DNAH8: variants seen among roughly 807,000 people sequenced by gnomAD.
DNAH8 encodes the protein axonemal beta dynein heavy chain 8.
DNAH8 carries 382 observed loss-of-function variants against 562.1 expected under a neutral mutation model. That is an observed-to-expected ratio of 0.68 (90% CI 0.63 to 0.74). The LOEUF (loss-of-function observed/expected upper bound fraction) is 0.74. DNAH8 is among the 30% of genes least tolerant of loss of function. The pLI is 0.00. For synonymous variants in DNAH8, 1,881 were observed against 1,919.4 expected (o/e 0.98, Z 0.52); for missense variants, 5,203 against 5,620.4 (o/e 0.93, Z 2.37).
rs759373724 is a variant in DNAH8, at chr6:38,848,836, T to C, written c.5199+35T>C. On this transcript the variant is annotated intron_variant, in intron 37 of 92. Transcript: ENST00000327475. ...GCTTTTGTAATTACTGATAAAATAA[T>C]TTGGTGTATGTTGTCTATATGTCTC... 6 of 1,601,444 alleles carry C rather than the reference T, an allele frequency of 3.7e-6. No homozygotes were observed. In the South Asian group the frequency reaches 5.5e-5, roughly 15 times the overall value.
At chr6:38,790,847 A>G (rs970614642) in intron 20 of DNAH8, among the ~76,000 whole-genome samples, 1 of 151,376 alleles carries the variant, frequency 6.6e-6, no homozygotes, top group Non-Finnish European at 1.5e-5. Context: ...AAAACAAAAA[A>G]CTTTATATTT....
Position 38,937,977 on chromosome 6 carries a change from C to T in DNAH8, c.11567C>T (p.Ser3856Leu), listed in dbSNP as rs749861252. The change falls in exon 78 of 93, where the codon TCA becomes TTA. Residue 3856 changes from serine to leucine, a missense_variant. By Grantham distance (145) the Ser-to-Leu change is moderately radical. Coordinates refer to ENST00000327475, the MANE Select transcript of DNAH8 (RefSeq NM_001206927.2). ...GTTTTCCTGTTTTGAATTTCAGGCT[C>T]ATTGGTAGATGACGAATCTCTCATT... The part of the protein sequence containing the change: ...LLYKLSATKG[S>L]LVDDESLIGV... The T allele has an allele frequency of 9.9e-6, 16 of 1,613,366 alleles. No individual in the cohort carries two copies. The highest frequency in any genetic ancestry group is 1.2e-5 in the Non-Finnish European group (14 of 1,179,762).
At chr6:38,939,099 G>C (rs897587488) in intron 79 of DNAH8, 111 bp downstream of exon 79, 2 of 836,648 alleles carry the variant, frequency 2.4e-6, no homozygotes, top group Non-Finnish European at 3.6e-6. Flanking sequence ...ATGTTCTAAC[G>C]AAAGTTTAAT....
chr6:38,984,848 G>T (rs995292422), intron 87 of DNAH8, among the ~76,000 whole-genome samples: 1 of 152,104 alleles, frequency 6.6e-6, no homozygotes, highest in Non-Finnish European at 1.5e-5. Context: ...GCAGAGCAGA[G>T]CAGTGGTCAG....
intron 10 of DNAH8, among the ~76,000 whole-genome samples, chr6:38,757,793 T>G (rs1766069032): frequency 1.3e-5 from 2 of 152,208 alleles, no homozygotes; most frequent in South Asian, 2.1e-4. Context: ...TTTCCCCATT[T>G]CTTGTTTTTG....
chr6:38,901,115 G>A (rs1780049613), intron 62 of DNAH8, among the ~76,000 whole-genome samples: 1 of 151,264 alleles, frequency 6.6e-6, no homozygotes, highest in Admixed American at 6.6e-5. Context: ...TATGTGTTTT[G>A]GATATAAAGG....
chr6:38,926,387 T>C (rs1189971010), intron 74 of DNAH8, among the ~76,000 whole-genome samples, 177 bp downstream of exon 74: 1 of 151,274 alleles, frequency 6.6e-6, no homozygotes, highest in Non-Finnish European at 1.5e-5. Context: ...CTCTCTTTTG[T>C]ACTCTCTTTG....
intron 36 of DNAH8, among the ~76,000 whole-genome samples, chr6:38,847,432 G>T (rs1057152716): frequency 1.3e-5 from 2 of 151,764 alleles, no homozygotes. Context: ...TTGGCATATT[G>T]ACTGCCTTTC....
intron 20 of DNAH8, 49 bp downstream of exon 20, chr6:38,790,454 A>C: frequency 2.3e-6 from 2 of 877,910 alleles, no homozygotes; most frequent in Non-Finnish European, 3.6e-6. Context: ...CTCAGGATAT[A>C]AGTAATAGTT....
chr6:38,774,838 A>G (rs1767912410), intron 12 of DNAH8, among the ~76,000 whole-genome samples: 1 of 152,236 alleles, frequency 6.6e-6, no homozygotes, highest in African/African-American at 2.4e-5. Flanking sequence ...AGCATGCTGT[A>G]AATCCCAGTG....
chr6:38,845,296 A>C (rs910135646), intron 35 of DNAH8, among the ~76,000 whole-genome samples: 1 of 152,220 alleles, frequency 6.6e-6, no homozygotes, highest in Non-Finnish European at 1.5e-5. Context: ...AAAAGTTCGA[A>C]TTGAAAACAT....
chr6:38,816,133 A>G (rs1034828648), intron 26 of DNAH8, among the ~76,000 whole-genome samples: 2 of 152,008 alleles, frequency 1.3e-5, no homozygotes, highest in African/African-American at 4.8e-5. Flanking sequence ...TTTGTTACAT[A>G]GGTAAACATG....
rs939401030 is a variant in DNAH8 at position 39,020,194 on chromosome 6, A to G, written c.13715-6352A>G. On this transcript the variant is annotated intron_variant, in intron 91 of 92. Transcript: ENST00000327475. ...TTATACCGAAGTTTTACTGGAGCCAATTATGTCCTGGATTAGTCATTTCAG... is the reference window on the plus strand; with the variant it reads ...TTATACCGAAGTTTTACTGGAGCCAGTTATGTCCTGGATTAGTCATTTCAG... Among the ~76,000 whole-genome samples the G allele has an allele frequency of 2.6e-5, 4 of 152,192 alleles. No individual in the cohort carries two copies. In the South Asian group the frequency reaches 8.3e-4, roughly 32 times the overall value.
At chr6:38,776,318 A>G (rs941333257) in intron 13 of DNAH8, among the ~76,000 whole-genome samples, 12 of 151,802 alleles carry the variant, frequency 7.9e-5, no homozygotes, top group Admixed American at 5.2e-4. Flanking sequence ...CCCGAGTTCA[A>G]GTGATTCTCC....
chr6:38,776,684 A>G lies in DNAH8; in HGVS notation c.1962+733A>G, dbSNP rs530439827. On this transcript the variant is annotated intron_variant, in intron 13 of 92. Transcript: ENST00000327475. ...TGCTTTATGCCTGCATTCTCTCTGC[A>G]GCTATAGAGGGCAGCTCTGAAGAGG... Among the ~76,000 whole-genome samples, 20 of 152,320 alleles carry G rather than the reference A, an allele frequency of 1.3e-4. No homozygotes were observed. The South Asian group carries it at 4.1e-3, about 32-fold the overall frequency.
intron 73 of DNAH8, 61 bp downstream of exon 73, chr6:38,924,223 A>C: frequency 6.4e-7 from 1 of 1,556,412 alleles, no homozygotes; most frequent in African/African-American, 1.4e-5. Context: ...TTACTTACTG[A>C]GAAACCCGGC....
chr6:38,837,509 T>C (rs1019824572), intron 32 of DNAH8, among the ~76,000 whole-genome samples: 3 of 152,228 alleles, frequency 2.0e-5, no homozygotes, highest in African/African-American at 7.2e-5. Flanking sequence ...ATCTTCTTTT[T>C]TATAGACTCT....
At position 38,842,464 on chromosome 6, in the gene DNAH8, T is replaced by C; in HGVS notation, c.4563T>C (p.Asp1521=). Residue 1521 remains aspartate, a synonymous_variant, in exon 34 of 93, where the codon GAT becomes GAC. Coordinates refer to ENST00000327475, the MANE Select transcript of DNAH8 (RefSeq NM_001206927.2). ...GYYEILWGDV[D]IEKINAELLE... The stretch of plus-strand genomic sequence containing the variant: ...ATGAAATACTTTGGGGAGATGTAGA[T>C]ATTGAAAAAATTAATGCAGAACTGC... 1 of 1,613,214 alleles carries C rather than the reference T, an allele frequency of 6.2e-7. No individual in the cohort carries two copies. The highest frequency in any genetic ancestry group is 8.5e-7 in the Non-Finnish European group (1 of 1,179,646).
At chr6:38,909,777 G>C in intron 65 of DNAH8, 33 bp downstream of exon 65, 1 of 1,541,884 alleles carries the variant, frequency 6.5e-7, no homozygotes, top group Middle Eastern at 1.7e-4. Context: ...CATCGCTATG[G>C]AACCACAGCA....
Sources: gnomAD v4.1 joint callset for allele counts (sites outside exome capture counted in the v4.1 genomes callset) on GRCh38, gnomAD v4.1.1 for gene constraint, MANE v1.5 for transcripts, NCBI Gene and HGNC (gene_info 2026-07-23, HGNC 2026-07-21) for gene names.